ZNF880: variants seen among roughly 807,000 people sequenced by gnomAD.
The protein encoded by ZNF880 is zinc finger protein 880.
Under a neutral mutation model 11.8 loss-of-function variants are expected in ZNF880, and 12 were observed. The ratio of observed to expected loss-of-function variants is 1.02; its 90% CI spans 0.65 to 1.65. The LOEUF is 1.65. Ranked by LOEUF, ZNF880 falls within the 40% of genes most tolerant of loss-of-function variation. ZNF880 has a pLI of 0.00. For synonymous variants in ZNF880, 210 were observed against 232.4 expected (o/e 0.90, Z 0.88); for missense variants, 601 against 673.9 (o/e 0.89, Z 1.20).
At chr19:52,368,586 T>C (rs898477801), upstream of ZNF880, among the ~76,000 whole-genome samples, 8 of 148,762 alleles carry the variant, frequency 5.4e-5, no homozygotes, top group Non-Finnish European at 9.0e-5. Flanking sequence ...GTGACTGGCT[T>C]GGGGTGTCAT....
At position 52,385,344 on chromosome 19, in the gene ZNF880, T is replaced by C; in HGVS notation, c.*30T>C. ...TGTGTGGTAAGATCTTTAGTAATAATTCACACCTTGCACAGCATGAGATAA... is the reference window on the plus strand; with the variant it reads ...TGTGTGGTAAGATCTTTAGTAATAACTCACACCTTGCACAGCATGAGATAA... On this transcript the variant is annotated 3_prime_UTR_variant, in exon 4 of 4. Coordinates refer to ENST00000422689, the MANE Select transcript of ZNF880 (RefSeq NM_001145434.2). The C allele has an allele frequency of 1.3e-6, 2 of 1,543,900 alleles. No individual in the cohort carries two copies. The highest frequency in any genetic ancestry group is 1.8e-6 in the Non-Finnish European group (2 of 1,141,074).
chr19:52,385,454 T>C lies in ZNF880; in HGVS notation c.*140T>C, dbSNP rs1308870845. Reference sequence around the variant, plus strand: ...GCATTAATCAACATCAGAGATTCCATACTAAAGAGAAATCATAGCAATGTA... The same window carrying C: ...GCATTAATCAACATCAGAGATTCCACACTAAAGAGAAATCATAGCAATGTA... On this transcript the variant is annotated 3_prime_UTR_variant, in exon 4 of 4. Transcript: ENST00000422689. 2 of 1,011,486 alleles carry C rather than the reference T, an allele frequency of 2.0e-6. No homozygotes were observed. The highest frequency in any genetic ancestry group is 2.9e-5 in the Admixed American group (1 of 34,730). 62.7% of individuals were successfully genotyped at this position (1,011,486 alleles called of 1,614,324 possible).
chr19:52,370,007 G>A, intron 1 of ZNF880, 30 bp downstream of exon 1: 1 of 1,551,588 alleles, frequency 6.4e-7, no homozygotes. Flanking sequence ...GATTAAATCT[G>A]GGATGCTGAG....
chr19:52,377,691 C>T (rs1397794673), intron 3 of ZNF880, among the ~76,000 whole-genome samples: 3 of 152,088 alleles, frequency 2.0e-5, no homozygotes, highest in Admixed American at 6.6e-5. Flanking sequence ...CACTGCCTCA[C>T]GCTGAAGGAT....
At chr19:52,397,585 C>T in the ZNF880 span, 1 of 151,830 alleles carries the variant, frequency 6.6e-6, no homozygotes, top group African/African-American at 2.4e-5. Context: ...TTTCTGCTTC[C>T]AGGGTAGGTG....
At chr19:52,381,022 CA>C (rs1268528137) in intron 3 of ZNF880, among the ~76,000 whole-genome samples, 7 of 152,144 alleles carry the variant, frequency 4.6e-5, no homozygotes, top group African/African-American at 1.7e-4. Flanking sequence ...TATCCATTTT[CA>C]AAACTGGAAT....
At chr19:52,387,758 A>G (rs1986924689), downstream of ZNF880, among the ~76,000 whole-genome samples, 1 of 142,160 alleles carries the variant, frequency 7.0e-6, no homozygotes, top group Non-Finnish European at 1.5e-5. Context: ...GACAAATACT[A>G]TTAAATGAAA....
chr19:52,387,376 C>T (rs1382526741), downstream of ZNF880, among the ~76,000 whole-genome samples: 1 of 144,052 alleles, frequency 6.9e-6, no homozygotes. Flanking sequence ...TTTCTACGTG[C>T]CTATTGTGTG....
downstream of ZNF880, among the ~76,000 whole-genome samples, chr19:52,386,267 G>A (rs746321512): frequency 7.0e-6 from 1 of 143,314 alleles, no homozygotes; most frequent in African/African-American, 2.7e-5. Flanking sequence ...CGAGGAAGAA[G>A]GACACTGCGT....
rs1294548255 is a variant in ZNF880 at position 52,383,840 on chromosome 19, C to T, written c.269-9C>T. On this transcript the variant is annotated splice_polypyrimidine_tract_variant and intron_variant, in intron 3 of 3. Coordinates refer to ENST00000422689, the MANE Select transcript of ZNF880 (RefSeq NM_001145434.2). ...GGGTTGAAGTTCCACTTTTTTCTTT[C>T]TTTTTTAGAGAGCAGCTCTAAATTG... 2.6e-6 allele frequency: 4 copies of T among 1,513,264 alleles called. No individual in the cohort carries two copies. The highest frequency in any genetic ancestry group is 4.8e-5 in the Admixed American group (2 of 41,338). The allele number at this position is 1,513,264 out of a possible 1,614,324, so 93.7% of individuals were successfully genotyped here.
chr19:52,394,472 T>C, the ZNF880 span, among the ~76,000 whole-genome samples: 1 of 152,110 alleles, frequency 6.6e-6, no homozygotes, highest in East Asian at 1.9e-4. Flanking sequence ...TGAGCTTGAG[T>C]GATCTGCCTG....
intron 1 of ZNF880, 89 bp from the exon 2 acceptor site, chr19:52,373,022 C>T (rs1986433567): frequency 7.4e-7 from 1 of 1,359,782 alleles, no homozygotes. Context: ...GTGGATTTGT[C>T]AGAACATCCA....
rs752434039 is a variant in ZNF880 at position 52,384,472 on chromosome 19, T to C, written c.892T>C (p.Cys298Arg). The change falls in exon 4 of 4, where the codon TGT (cysteine) becomes CGT (arginine). Residue 298 changes from cysteine to arginine, a missense_variant. This residue lies in a region of ZNF880 where 420 missense variants were observed against 442.6 expected (regional missense o/e 0.95). Transcript: ENST00000422689. ...CCACACTGGAGAGAAACCTTACAAA[T>C]GTAATGAGTGTGGCAAGGTCTTCAA... ...RIHTGEKPYK[C>R]NECGKVFNRN... The C allele has an allele frequency of 1.2e-6, 2 of 1,614,156 alleles. No individual in the cohort carries two copies. The highest frequency in any genetic ancestry group is 1.1e-5 in the South Asian group (1 of 91,088).
At chr19:52,391,212 T>C in the ZNF880 span, 16,843 of 150,810 alleles carry the variant, frequency 0.11, 1,319 homozygotes, top group African/African-American at 0.22. Flanking sequence ...CAGCCAGTGA[T>C]AAGGAGAGCA....
At chr19:52,393,943 T>C in the ZNF880 span, among the ~76,000 whole-genome samples, 27 of 149,570 alleles carry the variant, frequency 1.8e-4, no homozygotes, top group African/African-American at 6.6e-4. Flanking sequence ...TTCACGCCAT[T>C]CTCCTGCCTC....
chr19:52,373,717 A>G (rs1986464834), intron 2 of ZNF880, among the ~76,000 whole-genome samples: 1 of 124,472 alleles, frequency 8.0e-6, no homozygotes, highest in Non-Finnish European at 1.6e-5. Flanking sequence ...CTGTGTTGCC[A>G]GGCTGGAGTG....
upstream of ZNF880, chr19:52,367,297 G>C (rs566327601): frequency 3.3e-5 from 5 of 152,400 alleles, no homozygotes; most frequent in Non-Finnish European, 5.9e-5. Flanking sequence ...GCTAATTTTT[G>C]TATTTTTAGT....
At chr19:52,382,142 C>T (rs11084153) in intron 3 of ZNF880, among the ~76,000 whole-genome samples, 54,869 of 151,656 alleles carry the variant, frequency 0.36, 10,197 homozygotes, top group South Asian at 0.51. Context: ...GGTGGGGTAA[C>T]GCATGCCTAT....
the ZNF880 span, chr19:52,394,940 T>C: frequency 1.3e-5 from 2 of 152,464 alleles, no homozygotes; most frequent in Non-Finnish European, 2.9e-5. Flanking sequence ...ACCCTTCTGA[T>C]ATTGAACCTT....
Sources: allele counts gnomAD v4.1 joint callset (sites outside exome capture counted in the v4.1 genomes callset), GRCh38; gene constraint gnomAD v4.1.1; regional missense constraint gnomAD v4.1.1; transcripts MANE v1.5; gene names NCBI Gene and HGNC (gene_info 2026-07-23, HGNC 2026-07-21).